Variants in SENP6 observed in about 807,000 individuals in gnomAD.
The protein encoded by SENP6 is sentrin-specific protease 6.
SENP6 carries 41 observed loss-of-function variants against 134.5 expected under a neutral mutation model. That is an observed-to-expected ratio of 0.30 (90% CI 0.24 to 0.40). The LOEUF is 0.40. Among genes scored for constraint, SENP6 ranks in the 10% least tolerant of loss-of-function variants. The pLI is 1.00. For missense variants in SENP6, 1,248 were observed against 1,312.5 expected, an observed-to-expected ratio of 0.95 and a Z score of 0.76; for synonymous variants, 395 against 429.8, an observed-to-expected ratio of 0.92 and a Z score of 1.00.
intron 1 of SENP6, chr6:75,620,545 C>G (rs1013995977): frequency 6.6e-6 from 1 of 152,166 alleles, no homozygotes; most frequent in Non-Finnish European, 1.5e-5. Flanking sequence ...GCTGTGCCCT[C>G]GTGATCTAAT....
At position 75,715,623 on chromosome 6, in the gene SENP6, T is replaced by G; in HGVS notation, c.*29T>G. 5.1e-6 allele frequency: 8 copies of G among 1,556,272 alleles called. No homozygotes were observed. The highest frequency in any genetic ancestry group is 7.0e-6 in the Non-Finnish European group (8 of 1,135,816). On this transcript the variant is annotated 3_prime_UTR_variant, in exon 24 of 24. Coordinates refer to ENST00000447266, the MANE Select transcript of SENP6 (RefSeq NM_015571.4). ...TTTCTGTTACTTGTCATTTCTACTT[T>G]CAGAAACTAAATGACTTTCAAATTT...
intron 5 of SENP6, among the ~76,000 whole-genome samples, chr6:75,636,088 A>G (rs1769491219): frequency 6.6e-6 from 1 of 152,012 alleles, no homozygotes; most frequent in Admixed American, 6.6e-5. Context: ...TTGGGTTGCG[A>G]TTTGTTTTAC....
rs1333501197 is a variant in SENP6 at position 75,718,182 on chromosome 6, A to G, written c.*2588A>G. The G allele has an allele frequency of 1.3e-5, 2 of 152,212 alleles. No individual in the cohort carries two copies. The highest frequency in any genetic ancestry group is 4.8e-5 in the African/African-American group (2 of 41,464). The allele number at this position is 152,212 out of a possible 1,614,324, so 9.4% of individuals were successfully genotyped here. On this transcript the variant is annotated 3_prime_UTR_variant, in exon 24 of 24. Coordinates refer to ENST00000447266, the MANE Select transcript of SENP6 (RefSeq NM_015571.4). ...ATCTCTGAAAACTGTGAGACAATGTAAAAAGAATAAGTTTTAATTCCCCCA... is the reference window on the plus strand; with the variant it reads ...ATCTCTGAAAACTGTGAGACAATGTGAAAAGAATAAGTTTTAATTCCCCCA...
intron 5 of SENP6, among the ~76,000 whole-genome samples, chr6:75,638,606 ATATATATATATATATATTTTTTTTT>A (rs1276242522): frequency 6.1e-4 from 24 of 39,122 alleles, no homozygotes; most frequent in South Asian, 1.1e-3. Context: ...ATATATATAT[ATATATATATATATATATTTTTTTTT>A]TTTTTTTTTT....
chr6:75,633,407 CT>C (rs1347999241), intron 3 of SENP6, among the ~76,000 whole-genome samples, 173 bp from the exon 4 acceptor site: 1 of 151,960 alleles, frequency 6.6e-6, no homozygotes, highest in African/African-American at 2.4e-5. Flanking sequence ...TTTGCATTGT[CT>C]TTAGGAAAAA....
chr6:75,702,956 C>T lies in SENP6; in HGVS notation c.2600C>T (p.Thr867Ile). The T allele has an allele frequency of 2.5e-6, 4 of 1,613,896 alleles. No individual in the cohort carries two copies. Among genetic ancestry groups the T allele is most frequent in the Non-Finnish European group, 3.4e-6 (4 of 1,179,874 alleles). Residue 867 changes from threonine to isoleucine, a missense_variant, in exon 19 of 24, where the codon ACT becomes ATT. Around this residue, in one of 3 missense-constraint regions of SENP6, gnomAD observed 386 missense variants for 395.0 expected, o/e 0.98. Transcript: ENST00000447266. ...VKYSVKKINH[T>I]ASENEEFNKG... ...TACAGTGTGAAAAAAATAAATCATA[C>T]TGCGAGTGAAAATGAAGAATTCAAT...
At chr6:75,645,205 G>A (rs1342096604) in intron 6 of SENP6, among the ~76,000 whole-genome samples, 2 of 152,184 alleles carry the variant, frequency 1.3e-5, no homozygotes, top group African/African-American at 4.8e-5. Context: ...CCTCTGGTTG[G>A]TTAGGGGTAG....
intron 16 of SENP6, among the ~76,000 whole-genome samples, chr6:75,694,214 C>T (rs1774497831): frequency 6.6e-6 from 1 of 152,220 alleles, no homozygotes; most frequent in Non-Finnish European, 1.5e-5. Flanking sequence ...CGAGATCATG[C>T]CATTGCACTC....
At chr6:75,613,890 G>GA (rs1478035232) in intron 1 of SENP6, among the ~76,000 whole-genome samples, 3 of 152,216 alleles carry the variant, frequency 2.0e-5, no homozygotes, top group African/African-American at 7.2e-5. Flanking sequence ...TAGCAAAAGA[G>GA]AAAAAATTCT....
At position 75,716,693 on chromosome 6, in the gene SENP6, C is replaced by T. The variant is rs2149911174; in HGVS notation, c.*1099C>T. On this transcript the variant is annotated 3_prime_UTR_variant, in exon 24 of 24. Coordinates refer to ENST00000447266, the MANE Select transcript of SENP6 (RefSeq NM_015571.4). ...CATATAGGGATCTTGCATGTATCTG[C>T]AGAAACTTCATTATTTTTCAAATGA... is the stretch of plus-strand genomic sequence containing the variant. 1 of 152,002 alleles carries T rather than the reference C, an allele frequency of 6.6e-6. No individual in the cohort carries two copies. Among genetic ancestry groups the T allele is most frequent in the East Asian group, 1.9e-4 (1 of 5,180 alleles). The allele number at this position is 152,002 out of a possible 1,614,324, so 9.4% of individuals were successfully genotyped here. A position where few individuals can be genotyped will look rare whatever the true frequency, so the allele number is the denominator to read the frequency against.
rs182175917 is a variant in SENP6 at position 75,669,148 on chromosome 6, G to A, written c.1225-1405G>A. 8.6e-3 allele frequency among the ~76,000 whole-genome samples: 1,309 copies of A among 152,208 alleles called. 14 individuals are homozygous for A. Among genetic ancestry groups the A allele is most frequent in the African/African-American group, 0.024 (1,003 of 41,524 alleles). On this transcript the variant is annotated intron_variant, in intron 10 of 23. Transcript: ENST00000447266. Reference sequence around the variant, plus strand: ...GCAGATTGCCTGAGGTCAGGAGTTCGAGACCAGTCTGGCCAACATGGTGAA... The same window carrying A: ...GCAGATTGCCTGAGGTCAGGAGTTCAAGACCAGTCTGGCCAACATGGTGAA...
At chr6:75,659,507 C>G (rs1771613918) in intron 8 of SENP6, 100 bp downstream of exon 8, 3 of 1,137,782 alleles carry the variant, frequency 2.6e-6, no homozygotes, top group Admixed American at 2.9e-5. Context: ...ATCATAGGAC[C>G]AGAAGAGACT....
chr6:75,655,675 T>A (rs1771265526), intron 7 of SENP6, among the ~76,000 whole-genome samples: 1 of 152,264 alleles, frequency 6.6e-6, no homozygotes. Flanking sequence ...GTATAACAAG[T>A]TATTTATCGA....
rs1352297956 is a variant in SENP6, at chr6:75,687,139, AT to A, written c.2075+8214del. Among the ~76,000 whole-genome samples the A allele has an allele frequency of 2.0e-5, 3 of 151,842 alleles. 1 individual carries two copies. Among genetic ancestry groups the A allele is most frequent in the African/African-American group, 7.3e-5 (3 of 41,378 alleles). ...TAACCTTGTCTTCTCACTTTATTTC[AT>A]TAATTTGACCTTCAATCACTGATAC... On this transcript the variant is annotated intron_variant, in intron 16 of 23. Coordinates refer to ENST00000447266, the MANE Select transcript of SENP6 (RefSeq NM_015571.4).
At chr6:75,654,152 A>G (rs1211590871) in intron 7 of SENP6, among the ~76,000 whole-genome samples, 1 of 152,194 alleles carries the variant, frequency 6.6e-6, no homozygotes, top group Non-Finnish European at 1.5e-5. Context: ...TGAGCCCGTC[A>G]GGTGAAGGCT....
intron 13 of SENP6, 31 bp downstream of exon 13, chr6:75,676,085 A>T: frequency 7.1e-7 from 1 of 1,410,936 alleles, no homozygotes. Context: ...TATAATAGAT[A>T]ATAATAGATA....
At chr6:75,705,924 C>CTTTGTTTTTTTTT in intron 19 of SENP6, among the ~76,000 whole-genome samples, 1 of 89,280 alleles carries the variant, frequency 1.1e-5, no homozygotes, top group Non-Finnish European at 2.2e-5. Context: ...TATTTTTGAG[C>CTTTGTTTTTTTTT]CTTTTTTTTT....
chr6:75,661,588 T>G (rs969803575), intron 8 of SENP6, among the ~76,000 whole-genome samples: 37 of 152,238 alleles, frequency 2.4e-4, no homozygotes, highest in Non-Finnish European at 2.9e-5. Context: ...ATAGAAGTCT[T>G]CCTTCTTTTA....
rs1268975065 is a variant in SENP6 at position 75,717,832 on chromosome 6, G to T, written c.*2238G>T. 1 of 152,144 alleles carries T rather than the reference G, an allele frequency of 6.6e-6. No individual in the cohort carries two copies. The highest frequency in any genetic ancestry group is 1.5e-5 in the Non-Finnish European group (1 of 67,990). 9.4% of individuals were successfully genotyped at this position (152,144 alleles called of 1,614,324 possible). ...GTTGTATTGGTTTTCTTGTTGGATAGAATAACAGTTAATCATTTTTAGAAG... is the reference window on the plus strand; with the variant it reads ...GTTGTATTGGTTTTCTTGTTGGATATAATAACAGTTAATCATTTTTAGAAG... On this transcript the variant is annotated 3_prime_UTR_variant, in exon 24 of 24. Coordinates refer to ENST00000447266, the MANE Select transcript of SENP6 (RefSeq NM_015571.4).
Sources: allele counts gnomAD v4.1 joint callset (sites outside exome capture counted in the v4.1 genomes callset), GRCh38; gene constraint gnomAD v4.1.1; regional missense constraint gnomAD v4.1.1; transcripts MANE v1.5; gene names NCBI Gene and HGNC (gene_info 2026-07-23, HGNC 2026-07-21).